The following IQCH variants were observed in gnomAD, a reference collection of about 807,000 sequenced individuals.
The protein encoded by IQCH is IQ motif containing H.
IQCH carries 98 observed loss-of-function variants against 117.0 expected under a neutral mutation model. That is an observed-to-expected ratio of 0.84 (90% confidence interval 0.71 to 0.99). The LOEUF (loss-of-function observed/expected upper bound fraction) is 0.99. Ranked by LOEUF, IQCH falls within the 50% of genes least tolerant of loss-of-function variation. The probability of loss-of-function intolerance (pLI) is 0.00; values close to 1 mark genes in which losing one functional copy is unlikely to be tolerated. For synonymous variants in IQCH, 412 were observed against 448.2 expected, an observed-to-expected ratio of 0.92 and a Z score of 1.02; for missense variants, 1,102 against 1,243.8, an observed-to-expected ratio of 0.89 and a Z score of 1.72.
At chr15:67,271,271 G>A (rs1965888818) in intron 3 of IQCH, among the ~76,000 whole-genome samples, 1 of 152,148 alleles carries the variant, frequency 6.6e-6, no homozygotes. Context: ...CCCAGCCTAT[G>A]GTGAATGATC....
intron 1 of IQCH, 153 bp downstream of exon 1, chr15:67,255,100 C>A: frequency 1.4e-6 from 1 of 720,874 alleles, no homozygotes. Context: ...CCCACCCAGA[C>A]CTTCCCCCAC....
At chr15:67,471,963 A>G (rs934273731) in intron 17 of IQCH, among the ~76,000 whole-genome samples, 16 of 152,226 alleles carry the variant, frequency 1.1e-4, no homozygotes, top group African/African-American at 3.9e-4. Flanking sequence ...AAGATAATTG[A>G]CAAAGTCCCT....
intron 20 of IQCH, among the ~76,000 whole-genome samples, chr15:67,497,407 T>C (rs1294053624): frequency 1.3e-5 from 2 of 152,108 alleles, no homozygotes; most frequent in African/African-American, 2.4e-5. Flanking sequence ...CAAAAGACAA[T>C]TATATTTGTG....
intron 4 of IQCH, among the ~76,000 whole-genome samples, chr15:67,330,174 G>C (rs1428154197): frequency 6.6e-6 from 1 of 152,170 alleles, no homozygotes; most frequent in Non-Finnish European, 1.5e-5. Flanking sequence ...AAAGCTGCAA[G>C]GCAGTCTGGG....
intron 3 of IQCH, among the ~76,000 whole-genome samples, chr15:67,272,089 G>T (rs561120555): frequency 2.0e-5 from 3 of 151,940 alleles, no homozygotes; most frequent in Non-Finnish European, 4.4e-5. Flanking sequence ...CTTTTTCACT[G>T]CCCCATAATT....
In IQCH at chr15:67,426,569, A is replaced by C. The variant is rs970664520; in HGVS notation, c.2505+4992A>C. Among the ~76,000 whole-genome samples the C allele has an allele frequency of 2.7e-4, 41 of 152,112 alleles. No homozygotes were observed. The highest frequency in any genetic ancestry group is 9.4e-4 in the African/African-American group (39 of 41,502). ...TATCAATAAAAAATACCAAAAAAAAACCCAACCTCATACTCATTATTTAAA... is the reference window on the plus strand; with the variant it reads ...TATCAATAAAAAATACCAAAAAAAACCCCAACCTCATACTCATTATTTAAA... On this transcript the variant is annotated intron_variant, in intron 16 of 20. Coordinates refer to ENST00000335894, the MANE Select transcript of IQCH (RefSeq NM_001031715.3). The surrounding 1 kb of genome is among the most constrained non-coding windows in gnomAD (Gnocchi z 5.1).
At chr15:67,325,436 A>G (rs1596185620) in intron 4 of IQCH, among the ~76,000 whole-genome samples, 5 of 152,252 alleles carry the variant, frequency 3.3e-5, no homozygotes, top group Admixed American at 3.3e-4. Flanking sequence ...GGAAAAAGCT[A>G]CCTTTGTCAA....
intron 10 of IQCH, among the ~76,000 whole-genome samples, chr15:67,383,424 C>T (rs1971007370): frequency 6.6e-6 from 1 of 152,144 alleles, no homozygotes; most frequent in Admixed American, 6.6e-5. Context: ...AGTGATCAGA[C>T]ATCTTTTATA....
rs182033470 is a variant in IQCH at position 67,381,062 on chromosome 15, C to T, written c.1373-3874C>T. Among the ~76,000 whole-genome samples the T allele has an allele frequency of 2.0e-5, 3 of 152,322 alleles. No homozygotes were observed. The highest frequency in any genetic ancestry group is 2.0e-4 in the Admixed American group (3 of 15,302). On this transcript the variant is annotated intron_variant, in intron 10 of 20. Coordinates refer to ENST00000335894, the MANE Select transcript of IQCH (RefSeq NM_001031715.3). This position sits in a 1 kb window ranked among gnomAD's most constrained non-coding sequence, Gnocchi z 5.1. ...TGTGATCTGCTGCAACAACAGGGGC[C>T]TGTCACAGAGACATGCACCAGTGCC...
At chr15:67,371,591 A>G (rs1596274472) in intron 8 of IQCH, 1 of 1,031,440 alleles carries the variant, frequency 9.7e-7, no homozygotes, top group East Asian at 2.5e-5. Context: ...TTAAGAGAAG[A>G]TGGCAGAAGA....
In IQCH at chr15:67,458,311, C is replaced by A. The variant is rs1372488693; in HGVS notation, c.2506-6816C>A. 6.6e-6 allele frequency among the ~76,000 whole-genome samples: 1 copy of A among 152,200 alleles called. No individual in the cohort carries two copies. The highest frequency in any genetic ancestry group is 1.9e-4 in the East Asian group (1 of 5,202). ...TTCAGGGTGGAAGTTTTGGAGACAC[C>A]TTTGGCTCCTTTTTCTCATACTGCA... On this transcript the variant is annotated intron_variant, in intron 16 of 20. Transcript: ENST00000335894. This position sits in a 1 kb window ranked among gnomAD's most constrained non-coding sequence, Gnocchi z 4.1.
chr15:67,416,815 G>A lies in IQCH; in HGVS notation c.2098-116G>A. 1.3e-6 allele frequency: 1 copy of A among 749,622 alleles called. No homozygotes were observed. The highest frequency in any genetic ancestry group is 1.9e-6 in the Non-Finnish European group (1 of 513,610). The allele number at this position is 749,622 out of a possible 1,614,324, so 46.4% of individuals were successfully genotyped here. A position where few individuals can be genotyped will look rare whatever the true frequency, so the allele number is the denominator to read the frequency against. Reference sequence around the variant, plus strand: ...TTTCAAAATGGCTTTCTGACTCTGGGTAAACAGTAACCACATTTTTTTTGC... The same window carrying A: ...TTTCAAAATGGCTTTCTGACTCTGGATAAACAGTAACCACATTTTTTTTGC... On this transcript the variant is annotated intron_variant, in intron 14 of 20. Coordinates refer to ENST00000335894, the MANE Select transcript of IQCH (RefSeq NM_001031715.3). This position sits in a 1 kb window ranked among gnomAD's most constrained non-coding sequence, Gnocchi z 5.1.
intron 15 of IQCH, among the ~76,000 whole-genome samples, chr15:67,418,248 C>T (rs922902866): frequency 6.6e-6 from 1 of 152,056 alleles, no homozygotes; most frequent in African/African-American, 2.4e-5. Context: ...TATGAAAGGA[C>T]AGATCTGTTG....
rs1055010081 is a variant in IQCH, at chr15:67,457,143, G to A, written c.2506-7984G>A. On this transcript the variant is annotated intron_variant, in intron 16 of 20. Transcript: ENST00000335894. The surrounding 1 kb of genome is among the most constrained non-coding windows in gnomAD (Gnocchi z 5.7). ...GCCACCAGGTGGCAACAAGCCAAGC[G>A]GCTGCTCTCCCCTCTGCCTATTGAT... Among the ~76,000 whole-genome samples the A allele has an allele frequency of 6.6e-6, 1 of 152,150 alleles. No homozygotes were observed. The highest frequency in any genetic ancestry group is 6.5e-5 in the Admixed American group (1 of 15,278).
At chr15:67,482,117 C>T (rs1245865633) in intron 18 of IQCH, among the ~76,000 whole-genome samples, 1 of 152,078 alleles carries the variant, frequency 6.6e-6, no homozygotes, top group Admixed American at 6.5e-5. Flanking sequence ...GGCCCAAGGA[C>T]AATTATGGAA....
intron 4 of IQCH, among the ~76,000 whole-genome samples, chr15:67,290,994 C>A (rs1222470569): frequency 6.6e-6 from 1 of 152,102 alleles, no homozygotes; most frequent in Non-Finnish European, 1.5e-5. Flanking sequence ...ATTTTCTGCA[C>A]AAGAAGAGCT....
Position 67,457,280 on chromosome 15 carries a change from C to T in IQCH, c.2506-7847C>T, listed in dbSNP as rs1262032574. On this transcript the variant is annotated intron_variant, in intron 16 of 20. Transcript: ENST00000335894. The surrounding 1 kb of genome is among the most constrained non-coding windows in gnomAD (Gnocchi z 5.7). ...ATTCTTACAGTGGGGTGTACCAACTCCTTTAAAATTAAGCATGAGGTGTGT... is the reference window on the plus strand; with the variant it reads ...ATTCTTACAGTGGGGTGTACCAACTTCTTTAAAATTAAGCATGAGGTGTGT... Among the ~76,000 whole-genome samples the T allele has an allele frequency of 6.6e-6, 1 of 152,174 alleles. No homozygotes were observed. The highest frequency in any genetic ancestry group is 1.5e-5 in the Non-Finnish European group (1 of 68,030).
At chr15:67,461,194 G>GT (rs61595654) in intron 16 of IQCH, among the ~76,000 whole-genome samples, 21,466 of 152,124 alleles carry the variant, frequency 0.14, 1,733 homozygotes, top group African/African-American at 0.21. Context: ...TGGCCAACAT[G>GT]TTGAAACCCC....
At chr15:67,273,652 G>C (rs1371537243) in intron 3 of IQCH, among the ~76,000 whole-genome samples, 1 of 152,152 alleles carries the variant, frequency 6.6e-6, no homozygotes, top group African/African-American at 2.4e-5. Context: ...AGCTATTACT[G>C]TTTTTAATAG....
Sources: gnomAD v4.1 joint callset for allele counts (sites outside exome capture counted in the v4.1 genomes callset) on GRCh38, gnomAD v4.1.1 for gene constraint, Gnocchi (gnomAD v3.1) non-coding constraint, MANE v1.5 for transcripts, NCBI Gene and HGNC (gene_info 2026-07-23, HGNC 2026-07-21) for gene names.